The following TDRD7 variants were observed in gnomAD, a reference collection of about 807,000 sequenced individuals.
TDRD7 encodes the protein tudor domain-containing protein 7.
In TDRD7, 47 loss-of-function variants were observed where a neutral mutation model predicts 109.8. The observed-to-expected ratio is 0.43, with a 90% CI of 0.34 to 0.55. TDRD7 has a LOEUF of 0.55. Ranked by LOEUF, TDRD7 falls within the 20% of genes least tolerant of loss-of-function variation. TDRD7 has a pLI of 0.03. For missense variants in TDRD7, 1,164 were observed against 1,319.2 expected, an observed-to-expected ratio of 0.88 and a Z score of 1.82; for synonymous variants, 424 against 457.3, an observed-to-expected ratio of 0.93 and a Z score of 0.93.
chr9:97,415,373 A>G (rs1450107180), intron 1 of TDRD7, among the ~76,000 whole-genome samples: 1 of 152,222 alleles, frequency 6.6e-6, no homozygotes, highest in Non-Finnish European at 1.5e-5. Flanking sequence ...GGGAGGATCA[A>G]TCAATGGTAG....
chr9:97,446,088 C>T (rs898193661), intron 6 of TDRD7, among the ~76,000 whole-genome samples: 1 of 152,156 alleles, frequency 6.6e-6, no homozygotes, highest in African/African-American at 2.4e-5. Flanking sequence ...TATGATGGCA[C>T]CACTGCACTC....
intron 6 of TDRD7, among the ~76,000 whole-genome samples, chr9:97,451,628 G>A (rs1241254503): frequency 6.6e-6 from 1 of 152,226 alleles, no homozygotes; most frequent in East Asian, 1.9e-4. Flanking sequence ...ATGTTTCCCT[G>A]ATTTCTGTGA....
chr9:97,484,777 A>G (rs577349129), intron 15 of TDRD7, among the ~76,000 whole-genome samples: 1 of 152,230 alleles, frequency 6.6e-6, no homozygotes, highest in Non-Finnish European at 1.5e-5. Context: ...CCTCAATCAG[A>G]GCTCTTTGTA....
rs371142443 is a variant in TDRD7, at chr9:97,495,794, T to C, written c.3208T>C (p.Tyr1070His). ...CCCTTGGGACCGGAAAGTAGTGGTCTACTTAGTGGACACATCGTTGCCAGA... is the reference window on the plus strand; with the variant it reads ...CCCTTGGGACCGGAAAGTAGTGGTCCACTTAGTGGACACATCGTTGCCAGA... Reference protein sequence around the residue: ...ANPWDRKVVVYLVDTSLPDTD... With the variant: ...ANPWDRKVVVHLVDTSLPDTD... The change falls in exon 17 of 17, where the codon TAC becomes CAC. Residue 1070 changes from tyrosine (Y) to histidine (H), a missense_variant. Coordinates refer to ENST00000355295, the MANE Select transcript of TDRD7 (RefSeq NM_014290.3). 3.1e-6 allele frequency: 5 copies of C among 1,614,106 alleles called. No homozygotes were observed. Among genetic ancestry groups the C allele is most frequent in the Non-Finnish European group, 4.2e-6 (5 of 1,180,044 alleles).
At chr9:97,482,752 C>A in intron 14 of TDRD7, 97 bp from the exon 15 acceptor site, 1 of 1,362,252 alleles carries the variant, frequency 7.3e-7, no homozygotes, top group South Asian at 1.3e-5. Flanking sequence ...AGGGTTTTGG[C>A]AAAATACTGT....
At chr9:97,460,840 G>A in intron 7 of TDRD7, 76 bp downstream of exon 7, 1 of 1,384,826 alleles carries the variant, frequency 7.2e-7, no homozygotes, top group Non-Finnish European at 1.0e-6. Context: ...GGATGTTGAG[G>A]GTTAAAGGAA....
In TDRD7 at chr9:97,495,885, G is replaced by A. The variant is rs200364089; in HGVS notation, c.*2G>A. Reference sequence around the variant, plus strand: ...ATAGAGCTTTCAAAAGTTAATTAATGACTGCCTCTGAAACCTTGACAACTA... The same window carrying A: ...ATAGAGCTTTCAAAAGTTAATTAATAACTGCCTCTGAAACCTTGACAACTA... On this transcript the variant is annotated 3_prime_UTR_variant, in exon 17 of 17. Transcript: ENST00000355295. The A allele has an allele frequency of 6.2e-7, 1 of 1,611,668 alleles. No homozygotes were observed. The highest frequency in any genetic ancestry group is 2.2e-5 in the East Asian group (1 of 44,874).
At chr9:97,467,883 T>A (rs1465592884) in intron 8 of TDRD7, among the ~76,000 whole-genome samples, 4 of 152,096 alleles carry the variant, frequency 2.6e-5, no homozygotes, top group African/African-American at 9.7e-5. Context: ...CAGGATATAT[T>A]TGGAGGTAGA....
chr9:97,479,311 G>A (rs1295609677), intron 13 of TDRD7, among the ~76,000 whole-genome samples: 1 of 152,090 alleles, frequency 6.6e-6, no homozygotes. Flanking sequence ...GACTATTACA[G>A]AGAAGCTTTT....
intron 6 of TDRD7, among the ~76,000 whole-genome samples, chr9:97,442,858 C>T (rs1401243694): frequency 1.3e-5 from 2 of 151,808 alleles, no homozygotes; most frequent in African/African-American, 2.4e-5. Flanking sequence ...TACAGTGGAA[C>T]GATCTTGGCT....
Position 97,478,405 on chromosome 9 carries a change from G to T in TDRD7, c.2167-34G>T, listed in dbSNP as rs745744609. The T allele has an allele frequency of 1.9e-5, 30 of 1,613,504 alleles. No homozygotes were observed. In the East Asian group the frequency reaches 6.0e-4, roughly 32 times the overall value. ...AGAAGCATTTTGGTCTTTTGAATAT[G>T]CTAATAAATGAGCCAACACTTATCT... On this transcript the variant is annotated intron_variant, in intron 12 of 16. Coordinates refer to ENST00000355295, the MANE Select transcript of TDRD7 (RefSeq NM_014290.3).
intron 6 of TDRD7, among the ~76,000 whole-genome samples, chr9:97,443,004 C>T (rs1175293068): frequency 1.3e-5 from 2 of 152,152 alleles, no homozygotes; most frequent in Non-Finnish European, 2.9e-5. Flanking sequence ...CCATGTTGGC[C>T]AGGCTGGAGT....
At chr9:97,463,093 G>A (rs1334868073) in intron 7 of TDRD7, among the ~76,000 whole-genome samples, 2 of 152,238 alleles carry the variant, frequency 1.3e-5, no homozygotes, top group Non-Finnish European at 2.9e-5. Context: ...TCAAGGCAGT[G>A]CCTTAGTATT....
At chr9:97,489,580 T>C (rs1829266624) in intron 16 of TDRD7, among the ~76,000 whole-genome samples, 1 of 151,474 alleles carries the variant, frequency 6.6e-6, no homozygotes, top group Non-Finnish European at 1.5e-5. Context: ...TTGAGTCTTA[T>C]TTTTTTTTAT....
intron 4 of TDRD7, among the ~76,000 whole-genome samples, chr9:97,433,374 G>C (rs1490292780): frequency 6.6e-6 from 1 of 151,712 alleles, no homozygotes; most frequent in Non-Finnish European, 1.5e-5. Flanking sequence ...TTAAAACACA[G>C]ATCTTGACCC....
At position 97,432,345 on chromosome 9, in the gene TDRD7, A is replaced by G. The variant is rs564110807; in HGVS notation, c.563+107A>G. 106 of 1,004,828 alleles carry G rather than the reference A, an allele frequency of 1.1e-4. No individual in the cohort carries two copies. The South Asian group carries it at 1.4e-3, about 13-fold the overall frequency. 62.2% of individuals were successfully genotyped at this position (1,004,828 alleles called of 1,614,324 possible). ...CACTTTCTATTTTATCTAAGTTCAC[A>G]TATAGTAGAGACATGCATCATTACC... On this transcript the variant is annotated intron_variant, in intron 4 of 16. Coordinates refer to ENST00000355295, the MANE Select transcript of TDRD7 (RefSeq NM_014290.3).
At chr9:97,472,615 A>G (rs1278885521) in intron 10 of TDRD7, 120 bp downstream of exon 10, 2 of 885,260 alleles carry the variant, frequency 2.3e-6, no homozygotes, top group African/African-American at 3.3e-5. Flanking sequence ...ATTGAGGGGA[A>G]AAAAGGAGGG....
In TDRD7 at chr9:97,495,714, A is replaced by G. The variant is rs150874966; in HGVS notation, c.3128A>G (p.His1043Arg). The change falls in exon 17 of 17, where the codon CAT (histidine) becomes CGT (arginine). Residue 1043 changes from histidine (H) to arginine (R), a missense_variant. Coordinates refer to ENST00000355295, the MANE Select transcript of TDRD7 (RefSeq NM_014290.3). ...SEEASMVFRN[H>R]VEKKPLVALV... The stretch of plus-strand genomic sequence containing the variant: ...GAGGCTTCTATGGTGTTTCGAAATC[A>G]TGTGGAGAAGAAACCTCTGGTGGCA... 20 of 1,614,126 alleles carry G rather than the reference A, an allele frequency of 1.2e-5. No homozygotes were observed. Among genetic ancestry groups the G allele is most frequent in the Non-Finnish European group, 1.6e-5 (19 of 1,180,056 alleles).
chr9:97,477,488 G>T (rs1829043008), intron 12 of TDRD7, among the ~76,000 whole-genome samples: 1 of 151,958 alleles, frequency 6.6e-6, no homozygotes, highest in Non-Finnish European at 1.5e-5. Context: ...TTTAAATTTA[G>T]GTTATGCATT....
Sources: gnomAD v4.1 joint callset for allele counts (sites outside exome capture counted in the v4.1 genomes callset) on GRCh38, gnomAD v4.1.1 for gene constraint, MANE v1.5 for transcripts, NCBI Gene and HGNC (gene_info 2026-07-23, HGNC 2026-07-21) for gene names.